The following TBC1D10C variants were observed in gnomAD, a reference collection of about 807,000 sequenced individuals.
TBC1D10C encodes TBC1 domain family member 10C.
TBC1D10C carries 49 observed loss-of-function variants against 51.0 expected under a neutral mutation model. The observed-to-expected ratio is 0.96, with a 90% CI of 0.76 to 1.22. TBC1D10C has a LOEUF of 1.22. TBC1D10C is among the 50% of genes most tolerant of loss of function. The pLI is 0.00. For missense variants in TBC1D10C, 541 were observed against 617.5 expected (o/e 0.88, Z 1.31); for synonymous variants, 281 against 266.7 (o/e 1.05, Z -0.52).
intron 7 of TBC1D10C, 173 bp downstream of exon 7, chr11:67,407,189 T>TG: frequency 1.2e-6 from 1 of 813,546 alleles, no homozygotes; most frequent in Non-Finnish European, 1.9e-6. Context: ...AGGCACCGCC[T>TG]GGTGCAGAGC....
chr11:67,406,628 A>G lies in TBC1D10C; in HGVS notation c.584A>G (p.Glu195Gly). ...AVLLMHLPPE[E>G]AFWCLVQICE... ...GCCTGTGCCCTGCCCCTTCCCCAGG[A>G]GGCCTTCTGGTGCCTGGTGCAGATC... Residue 195 changes from glutamate (E) to glycine (G), a missense_variant and splice_region_variant, in exon 6 of 9, where the codon GAG becomes GGG. Transcript: ENST00000542590. The G allele has an allele frequency of 6.4e-7, 1 of 1,569,062 alleles. No homozygotes were observed. Among genetic ancestry groups the G allele is most frequent in the Non-Finnish European group, 8.6e-7 (1 of 1,156,378 alleles).
chr11:67,408,674 A>G (rs2135046899), intron 7 of TBC1D10C: 1 of 301,292 alleles, frequency 3.3e-6, no homozygotes, highest in South Asian at 6.7e-5. Context: ...GGCTCCAGAT[A>G]TGGATGGCAT....
rs766594322 is a variant in TBC1D10C at position 67,405,114 on chromosome 11, G to A, written c.182G>A (p.Arg61His). The A allele has an allele frequency of 2.4e-5, 37 of 1,551,216 alleles. No homozygotes were observed. The South Asian group carries it at 2.9e-4, about 12-fold the overall frequency. ...GPGHPPADLI[R>H]QREMKWVEMT... ...GGCCACCCACCTGCAGACCTCATCC[G>A]CCAACGGGAGATGAAGTGGGTGGAG... The change falls in exon 2 of 9, where the codon CGC becomes CAC. Residue 61 changes from arginine to histidine, a missense_variant. Transcript: ENST00000542590.
rs200238089 is a variant in TBC1D10C, at chr11:67,409,684, G to A, written c.1271G>A (p.Arg424Gln). Residue 424 changes from arginine to glutamine, a missense_variant, in exon 9 of 9, where the codon CGG (arginine) becomes CAG (glutamine). Transcript: ENST00000542590. ...TTCCATGGGCTCCTGACTCGGGCCC[G>A]GGGCCCCCCCATCGAGGGGCCCCCC... ...KTFHGLLTRA[R>Q]GPPIEGPPRP... is the part of the protein sequence containing the mutation. 21 of 1,596,386 alleles carry A rather than the reference G, an allele frequency of 1.3e-5. No individual in the cohort carries two copies. Among genetic ancestry groups the A allele is most frequent in the South Asian group, 1.1e-4 (10 of 90,188 alleles).
Position 67,409,664 on chromosome 11 carries a change from T to C in TBC1D10C, c.1251T>C (p.His417=). The change falls in exon 9 of 9, where the codon CAT becomes CAC. Residue 417 remains histidine (H), a synonymous_variant. Coordinates refer to ENST00000542590, the MANE Select transcript of TBC1D10C (RefSeq NM_001369496.1). The part of the protein sequence containing the change: ...RKPQTRGKTF[H]GLLTRARGPP... The stretch of plus-strand genomic sequence containing the variant: ...CCCAGACCCGCGGCAAGACTTTCCA[T>C]GGGCTCCTGACTCGGGCCCGGGGCC... 3.7e-6 allele frequency: 6 copies of C among 1,603,396 alleles called. No homozygotes were observed. Among genetic ancestry groups the C allele is most frequent in the Admixed American group, 1.7e-5 (1 of 59,630 alleles).
At chr11:67,409,332 C>T (rs1400971646) in intron 8 of TBC1D10C, 75 bp from the exon 9 acceptor site, 21 of 1,472,370 alleles carry the variant, frequency 1.4e-5, no homozygotes, top group Non-Finnish European at 1.9e-5. Context: ...TCAGCCACTT[C>T]CTGGGCTGGG....
Position 67,409,508 on chromosome 11 carries a change from G to A in TBC1D10C, c.1095G>A (p.Gln365=). The A allele has an allele frequency of 6.5e-7, 1 of 1,548,476 alleles. No homozygotes were observed. Among genetic ancestry groups the A allele is most frequent in the Non-Finnish European group, 8.7e-7 (1 of 1,146,290 alleles). The change falls in exon 9 of 9, where the codon CAG becomes CAA. Residue 365 remains glutamine, a synonymous_variant. Transcript: ENST00000542590. The part of the protein sequence containing the change: ...DSAPGPPPRP[Q]VRLAGAQAIF... ...CGCCGGGACCCCCGCCCCGGCCACAGGTCCGCCTCGCCGGGGCCCAAGCCA... is the reference window on the plus strand; with the variant it reads ...CGCCGGGACCCCCGCCCCGGCCACAAGTCCGCCTCGCCGGGGCCCAAGCCA...
intron 7 of TBC1D10C, 148 bp from the exon 8 acceptor site, chr11:67,408,831 A>G (rs1863306166): frequency 1.8e-6 from 2 of 1,098,318 alleles, no homozygotes; most frequent in East Asian, 3.1e-5. Context: ...GTGTTACCCG[A>G]AATGCAACTC....
At chr11:67,409,262 A>C in intron 8 of TBC1D10C, 129 bp downstream of exon 8, 1 of 1,400,626 alleles carries the variant, frequency 7.1e-7, no homozygotes, top group Non-Finnish European at 9.5e-7. Flanking sequence ...AGAACACAAA[A>C]ACCTGAGGCC....
chr11:67,406,825 A>G lies in TBC1D10C; in HGVS notation c.649-2A>G, dbSNP rs1448499137. On this transcript the variant is annotated splice_acceptor_variant, in intron 6 of 8. Coordinates refer to ENST00000542590, the MANE Select transcript of TBC1D10C (RefSeq NM_001369496.1). LOFTEE classifies it high-confidence loss of function. ...CTGGCCTGCTGATGGACGTGGCCAC[A>G]GGAGGCTGTGCGGCTGGACGCCGAG... 2.5e-6 allele frequency: 4 copies of G among 1,608,464 alleles called. No individual in the cohort carries two copies. Among genetic ancestry groups the G allele is most frequent in the Middle Eastern group, 1.7e-4 (1 of 6,048 alleles).
rs766913979 is a variant in TBC1D10C, at chr11:67,409,744, C to A, written c.1331C>A (p.Thr444Asn). 1.9e-6 allele frequency: 3 copies of A among 1,584,946 alleles called. No individual in the cohort carries two copies. The Admixed American group carries it at 5.4e-5, about 29-fold the overall frequency. ...CGAGGCTCCACCTCCTTCCTGGACA[C>A]CCGCTTCTGAGAGGACCATGGACTT... ...PQRGSTSFLDTRF is the reference protein window; with the variant it reads ...PQRGSTSFLDNRF Residue 444 changes from threonine (T) to asparagine (N), a missense_variant, in exon 9 of 9, where the codon ACC becomes AAC. Thr to Asn is a moderately conservative substitution (Grantham distance 65). Transcript: ENST00000542590.
In TBC1D10C at chr11:67,409,098, C is replaced by T. The variant is rs772830757; in HGVS notation, c.958C>T (p.Pro320Ser). ...ETLGALRAIP[P>S]AQLQEEAFMS... ...ACTGGGAGCCCTTCGAGCCATCCCC[C>T]CCGCGCAGCTGCAGGAGGAGGCCTT... The change falls in exon 8 of 9, where the codon CCC becomes TCC. Residue 320 changes from proline (P) to serine (S), a missense_variant. Pro to Ser is a moderately conservative substitution (Grantham distance 74, BLOSUM62 -1). Transcript: ENST00000542590. 1.4e-5 allele frequency: 23 copies of T among 1,600,992 alleles called. No individual in the cohort carries two copies. In the East Asian group the frequency reaches 4.5e-4, roughly 31 times the overall value.
At position 67,405,988 on chromosome 11, in the gene TBC1D10C, G is replaced by A; in HGVS notation, c.553G>A (p.Ala185Thr). Residue 185 changes from alanine to threonine, a missense_variant, in exon 5 of 9, where the codon GCT (alanine) becomes ACT (threonine). Transcript: ENST00000542590. ...GYCQAQGPVA[A>T]VLLMHLPPEE... Reference sequence around the variant, plus strand: ...CTGCCAGGCCCAGGGGCCCGTGGCTGCTGTGCTGCTCATGCACCTGCCCCC... The same window carrying A: ...CTGCCAGGCCCAGGGGCCCGTGGCTACTGTGCTGCTCATGCACCTGCCCCC... 1 of 1,603,262 alleles carries A rather than the reference G, an allele frequency of 6.2e-7. No individual in the cohort carries two copies. Among genetic ancestry groups the A allele is most frequent in the Middle Eastern group, 1.7e-4 (1 of 6,034 alleles).
At position 67,404,362 on chromosome 11, in the gene TBC1D10C, G is replaced by A. The variant is rs1863054153; in HGVS notation, c.152+8G>A. ...CAGCTCAGCAGAGCCAGGGTAAGGG[G>A]GCAGGGTGAGGGCTGGCGGAATGCT... On this transcript the variant is annotated splice_region_variant and intron_variant, in intron 1 of 8. Coordinates refer to ENST00000542590, the MANE Select transcript of TBC1D10C (RefSeq NM_001369496.1). The A allele has an allele frequency of 2.6e-6, 4 of 1,564,446 alleles. No homozygotes were observed. In the African/African-American group the frequency reaches 4.1e-5, roughly 16 times the overall value.
Position 67,405,895 on chromosome 11 carries a change from C to A in TBC1D10C, c.468-8C>A. 6.3e-7 allele frequency: 1 copy of A among 1,582,566 alleles called. No homozygotes were observed. The highest frequency in any genetic ancestry group is 8.6e-7 in the Non-Finnish European group (1 of 1,165,108). On this transcript the variant is annotated splice_region_variant and splice_polypyrimidine_tract_variant and intron_variant, in intron 4 of 8. Coordinates refer to ENST00000542590, the MANE Select transcript of TBC1D10C (RefSeq NM_001369496.1). ...AGGACTGGCCCCTTATGGGGTCTTC[C>A]GGCACAGGCAGCAGGGGCTCCTGCA...
chr11:67,406,712 G>A lies in TBC1D10C; in HGVS notation c.648+20G>A. 2 of 1,576,398 alleles carry A rather than the reference G, an allele frequency of 1.3e-6. No individual in the cohort carries two copies. The highest frequency in any genetic ancestry group is 1.1e-5 in the South Asian group (1 of 87,314). ...CACATGGTGAGAGGCTGACATGGGG[G>A]CTGGAGGAAGGAGGGGCAGGGGCCC... On this transcript the variant is annotated intron_variant, in intron 6 of 8. Transcript: ENST00000542590.
In TBC1D10C at chr11:67,409,053, T is replaced by C; in HGVS notation, c.913T>C (p.Cys305Arg). The C allele has an allele frequency of 6.3e-7, 1 of 1,596,530 alleles. No individual in the cohort carries two copies. Among genetic ancestry groups the C allele is most frequent in the Non-Finnish European group, 8.5e-7 (1 of 1,173,240 alleles). Residue 305 changes from cysteine to arginine, a missense_variant, in exon 8 of 9, where the codon TGC (cysteine) becomes CGC (arginine). Transcript: ENST00000542590. The part of the protein sequence containing the change: ...ALGTAEQRGA[C>R]PGLLETLGAL... ...GGGCACTGCAGAGCAGCGAGGGGCC[T>C]GCCCTGGCCTCCTGGAGACACTGGG...
chr11:67,405,844 C>A, intron 4 of TBC1D10C, 59 bp from the exon 5 acceptor site: 4 of 1,548,788 alleles, frequency 2.6e-6, no homozygotes, highest in Non-Finnish European at 3.5e-6. Flanking sequence ...CAGAGGCCCC[C>A]AGAGGGTGGA....
Position 67,409,089 on chromosome 11 carries a change from G to C in TBC1D10C, c.949G>C (p.Ala317Pro), listed in dbSNP as rs780355719. Residue 317 changes from alanine (A) to proline (P), a missense_variant, in exon 8 of 9, where the codon GCC (alanine) becomes CCC (proline). Coordinates refer to ENST00000542590, the MANE Select transcript of TBC1D10C (RefSeq NM_001369496.1). The stretch of plus-strand genomic sequence containing the variant: ...CCTGGAGACACTGGGAGCCCTTCGA[G>C]CCATCCCCCCCGCGCAGCTGCAGGA... ...GLLETLGALRAIPPAQLQEEA... is the reference protein window; with the variant it reads ...GLLETLGALRPIPPAQLQEEA... 27 of 1,602,714 alleles carry C rather than the reference G, an allele frequency of 1.7e-5. No homozygotes were observed. Among genetic ancestry groups the C allele is most frequent in the Non-Finnish European group, 2.2e-5 (26 of 1,176,108 alleles).
Sources: gnomAD v4.1 joint callset for allele counts on GRCh38, gnomAD v4.1.1 for gene constraint, MANE v1.5 for transcripts, NCBI Gene and HGNC (gene_info 2026-07-23, HGNC 2026-07-21) for gene names.